HMCN2: variants seen among roughly 807,000 people sequenced by gnomAD.
HMCN2 encodes the protein hemicentin 2, also known as hemicentin-2.
In HMCN2, 325 loss-of-function variants were observed where a neutral mutation model predicts 377.5. The observed-to-expected ratio is 0.86, with a 90% CI of 0.79 to 0.94. The LOEUF (loss-of-function observed/expected upper bound fraction) is 0.94, where lower values mean the gene tolerates loss of function less well. Among genes scored for constraint, HMCN2 ranks in the 40% least tolerant of loss-of-function variants. The probability of loss-of-function intolerance (pLI) is 0.00; values close to 1 mark genes in which losing one functional copy is unlikely to be tolerated. For synonymous variants in HMCN2, 2,007 were observed against 2,046.8 expected (o/e 0.98, Z 0.53); for missense variants, 4,543 against 4,725.3 (o/e 0.96, Z 1.13).
intron 84 of HMCN2, 143 bp from the exon 85 acceptor site, chr9:130,410,428 G>A (rs1843347253): frequency 1.6e-6 from 1 of 643,772 alleles, no homozygotes; most frequent in African/African-American, 1.8e-5. Context: ...CCCTTCTGAT[G>A]CTCTGCGGGG....
chr9:130,431,211 C>A, intron 95 of HMCN2, 156 bp from the exon 96 acceptor site: 1 of 752,190 alleles, frequency 1.3e-6, no homozygotes, highest in Non-Finnish European at 2.1e-6. Context: ...GGGACTCCCC[C>A]AACCCCTGAA....
At position 130,293,120 on chromosome 9, in the gene HMCN2, T is replaced by G. The variant is rs559304354; in HGVS notation, c.613-1735T>G. Among the ~76,000 whole-genome samples, 8 of 152,150 alleles carry G rather than the reference T, an allele frequency of 5.3e-5. No individual in the cohort carries two copies. The East Asian group carries it at 1.5e-3, about 29-fold the overall frequency. The stretch of plus-strand genomic sequence containing the variant: ...AGATCTTTTACTTAGCTCATTTGAT[T>G]TGATACTTGCAGCTGTCTCTTACAT... On this transcript the variant is annotated intron_variant, in intron 4 of 97. Transcript: ENST00000683500.
intron 1 of HMCN2, among the ~76,000 whole-genome samples, chr9:130,276,129 G>T (rs1834680943): frequency 7.2e-6 from 1 of 139,660 alleles, no homozygotes; most frequent in African/African-American, 2.6e-5. Flanking sequence ...GTGGGTGGGT[G>T]GGTGTGTCAG....
In HMCN2 at chr9:130,388,454, T is replaced by A; in HGVS notation, c.9437T>A (p.Val3146Glu). 3.0e-6 allele frequency: 3 copies of A among 987,724 alleles called. No individual in the cohort carries two copies. The highest frequency in any genetic ancestry group is 3.6e-6 in the Non-Finnish European group (3 of 830,028). The allele number at this position is 987,724 out of a possible 1,614,324, so 61.2% of individuals were successfully genotyped here. ...CCCAAGACAGAGACAGTGAGCCAGGTGGCTGGGAGCCCCCTGGTCCTGACC... is the reference window on the plus strand; with the variant it reads ...CCCAAGACAGAGACAGTGAGCCAGGAGGCTGGGAGCCCCCTGGTCCTGACC... Reference protein sequence around the residue: ...ENPKTETVSQVAGSPLVLTCD... With the variant: ...ENPKTETVSQEAGSPLVLTCD... Residue 3146 changes from valine to glutamate, a missense_variant, in exon 62 of 98, where the codon GTG (valine) becomes GAG (glutamate). Coordinates refer to ENST00000683500, the MANE Select transcript of HMCN2 (RefSeq NM_001291815.2).
Position 130,348,658 on chromosome 9 carries a change from C to T in HMCN2, c.4138C>T (p.Leu1380=). 1.5e-6 allele frequency: 2 copies of T among 1,298,904 alleles called. No individual in the cohort carries two copies. The highest frequency in any genetic ancestry group is 2.0e-6 in the Non-Finnish European group (2 of 987,538). 80.5% of individuals were successfully genotyped at this position (1,298,904 alleles called of 1,614,324 possible). Residue 1380 remains leucine (L), a synonymous_variant, in exon 27 of 98, where the codon CTG becomes TTG. Coordinates refer to ENST00000683500, the MANE Select transcript of HMCN2 (RefSeq NM_001291815.2). Reference sequence around the variant, plus strand: ...CTTTCCAGTCCCTGAGATCGTGTGGCTGAAGGACGCGCAGCTGGTGGGTGT... The same window carrying T: ...CTTTCCAGTCCCTGAGATCGTGTGGTTGAAGGACGCGCAGCTGGTGGGTGT... ...NGFPVPEIVW[L]KDAQLIPKVG...
At chr9:130,310,476 G>C (rs1363128013) in intron 15 of HMCN2, among the ~76,000 whole-genome samples, 1 of 152,044 alleles carries the variant, frequency 6.6e-6, no homozygotes, top group African/African-American at 2.4e-5. Context: ...CAGAGAAAGA[G>C]AGAGAGAGAC....
At chr9:130,363,364 C>T (rs1232915102) in intron 40 of HMCN2, among the ~76,000 whole-genome samples, 3 of 152,172 alleles carry the variant, frequency 2.0e-5, no homozygotes, top group African/African-American at 4.8e-5. Flanking sequence ...TTGCTTCTCT[C>T]GGCCACCATT....
Position 130,408,785 on chromosome 9 carries a change from A to G in HMCN2, c.12731A>G (p.Glu4244Gly), listed in dbSNP as rs981643047. The G allele has an allele frequency of 7.8e-7, 1 of 1,289,598 alleles. No individual in the cohort carries two copies. The highest frequency in any genetic ancestry group is 1.0e-6 in the Non-Finnish European group (1 of 988,744). The allele number at this position is 1,289,598 out of a possible 1,614,324, so 79.9% of individuals were successfully genotyped here. A position where few individuals can be genotyped will look rare whatever the true frequency, so the allele number is the denominator to read the frequency against. ...LQGEAFSYLV[E>G]PVGGSIQLDC... ...GGGGAGGCTTTCTCCTACCTGGTGG[A>G]ACCTGTAGGAGGCAGCATTCAGCTA... Residue 4244 changes from glutamate (E) to glycine (G), a missense_variant, in exon 84 of 98, where the codon GAA becomes GGA. Physicochemically the swap from Glu to Gly is moderately conservative, Grantham distance 98 (BLOSUM62 -2). Around this residue, in one of 5 missense-constraint regions of HMCN2, gnomAD observed 1,073 missense variants for 1,319.5 expected, o/e 0.81. Transcript: ENST00000683500.
At chr9:130,418,138 CT>C (rs1328175792) in intron 85 of HMCN2, among the ~76,000 whole-genome samples, 5 of 152,180 alleles carry the variant, frequency 3.3e-5, no homozygotes, top group Non-Finnish European at 7.3e-5. Flanking sequence ...TGGAAGCAGT[CT>C]AACTGTCCTA....
chr9:130,275,588 T>G (rs1554922760), intron 1 of HMCN2, among the ~76,000 whole-genome samples: 1 of 152,178 alleles, frequency 6.6e-6, no homozygotes, highest in East Asian at 1.9e-4. Context: ...TAGCTGGGAT[T>G]ACAGGTGCCT....
Position 130,428,483 on chromosome 9 carries a change from T to G in HMCN2, c.14191T>G (p.Cys4731Gly). ...PGFRVADGAGCEDVDECLEGL... is the reference protein window; with the variant it reads ...PGFRVADGAGGEDVDECLEGL... The stretch of plus-strand genomic sequence containing the variant: ...CTTCCGGGTGGCTGATGGGGCCGGC[T>G]GTGAAGGTGATGGGGGCACAGCATG... The change falls in exon 93 of 98, where the codon TGT (cysteine) becomes GGT (glycine). Residue 4731 changes from cysteine to glycine, a missense_variant. This residue lies in a region of HMCN2 where 1,155 missense variants were observed against 1,157.7 expected (regional missense o/e 1.00). Coordinates refer to ENST00000683500, the MANE Select transcript of HMCN2 (RefSeq NM_001291815.2). The surrounding 1 kb of genome is among the most constrained non-coding windows in gnomAD (Gnocchi z 5.0). 1 of 1,540,512 alleles carries G rather than the reference T, an allele frequency of 6.5e-7. No homozygotes were observed. Among genetic ancestry groups the G allele is most frequent in the Non-Finnish European group, 8.7e-7 (1 of 1,146,866 alleles).
At chr9:130,432,781 A>G in intron 97 of HMCN2, 1 of 580,786 alleles carries the variant, frequency 1.7e-6, no homozygotes, top group Non-Finnish European at 3.1e-6. Context: ...ACACAACCCC[A>G]GGACAAAACT....
In HMCN2 at chr9:130,422,524, T is replaced by C; in HGVS notation, c.13232-53T>C. 1 of 1,265,402 alleles carries C rather than the reference T, an allele frequency of 7.9e-7. No individual in the cohort carries two copies. The highest frequency in any genetic ancestry group is 1.0e-6 in the Non-Finnish European group (1 of 994,124). 78.4% of individuals were successfully genotyped at this position (1,265,402 alleles called of 1,614,324 possible). On this transcript the variant is annotated intron_variant, in intron 86 of 97. Coordinates refer to ENST00000683500, the MANE Select transcript of HMCN2 (RefSeq NM_001291815.2). The surrounding 1 kb of genome is among the most constrained non-coding windows in gnomAD (Gnocchi z 4.2). ...TGGGAATGACAGCCTGCTTGTGCTG[T>C]GGGCCCCGGGGTGGATAGTCAGTGG...
chr9:130,295,980 G>A (rs1836127359), intron 6 of HMCN2, among the ~76,000 whole-genome samples: 1 of 152,186 alleles, frequency 6.6e-6, no homozygotes, highest in Non-Finnish European at 1.5e-5. Context: ...GAGTGGTTTG[G>A]GGTTACTTTG....
At chr9:130,429,451 G>A (rs1844600503) in intron 93 of HMCN2, 106 bp from the exon 94 acceptor site, 4 of 1,406,926 alleles carry the variant, frequency 2.8e-6, no homozygotes, top group Non-Finnish European at 3.9e-6. Flanking sequence ...TGAAACTGGA[G>A]AAGGGGACAG....
rs945401717 is a variant in HMCN2 at position 130,382,764 on chromosome 9, G to A, written c.8631G>A (p.Pro2877=). 12 of 985,550 alleles carry A rather than the reference G, an allele frequency of 1.2e-5. No individual in the cohort carries two copies. Among genetic ancestry groups the A allele is most frequent in the African/African-American group, 1.7e-5 (1 of 57,174 alleles). 61.1% of individuals were successfully genotyped at this position (985,550 alleles called of 1,614,324 possible). Residue 2877 remains proline, a synonymous_variant, in exon 56 of 98, where the codon CCG becomes CCA. Transcript: ENST00000683500. Reference sequence around the variant, plus strand: ...GCAGCACCGTCAGCCTGCAGTGCCCGGCCCTGGGAAACCCCGTGCCCACCA... The same window carrying A: ...GCAGCACCGTCAGCCTGCAGTGCCCAGCCCTGGGAAACCCCGTGCCCACCA... ...NASSTVSLQC[P]ALGNPVPTIS...
At chr9:130,320,493 G>A (rs1210746320) in intron 17 of HMCN2, 42 bp downstream of exon 17, 2 of 152,498 alleles carry the variant, frequency 1.3e-5, no homozygotes, top group African/African-American at 4.8e-5. Flanking sequence ...TGGGAGGTGG[G>A]AGGCAGGTGC....
At chr9:130,370,764 C>T (rs1334497507) in intron 45 of HMCN2, among the ~76,000 whole-genome samples, 200 bp from the exon 46 acceptor site, 2 of 152,238 alleles carry the variant, frequency 1.3e-5, no homozygotes, top group Non-Finnish European at 2.9e-5. Context: ...GCCTGCCCGA[C>T]TCCAGAGCCC....
chr9:130,406,395 C>T, intron 82 of HMCN2: 1 of 352,226 alleles, frequency 2.8e-6, no homozygotes. Flanking sequence ...CCTGAGAAGA[C>T]TCAACCCAGA....
Sources: gnomAD v4.1 joint callset for allele counts (sites outside exome capture counted in the v4.1 genomes callset) on GRCh38, gnomAD v4.1.1 for gene constraint, gnomAD v4.1.1 regional missense constraint, Gnocchi (gnomAD v3.1) non-coding constraint, MANE v1.5 for transcripts, NCBI Gene and HGNC (gene_info 2026-07-23, HGNC 2026-07-21) for gene names.